Variants in PPP1R12B observed in about 807,000 individuals in gnomAD.
PPP1R12B encodes protein phosphatase 1 regulatory subunit 12B.
Under a neutral mutation model 126.1 loss-of-function variants are expected in PPP1R12B, and 76 were observed. That is an observed-to-expected ratio of 0.60 (90% CI 0.50 to 0.73). The LOEUF is 0.73. Ranked by LOEUF, PPP1R12B falls within the 30% of genes least tolerant of loss-of-function variation. The pLI is 0.00. For missense variants in PPP1R12B, 1,052 were observed against 1,205.1 expected (o/e 0.87, Z 1.88); for synonymous variants, 356 against 434.7 (o/e 0.82, Z 2.25).
Position 202,568,071 on chromosome 1 carries a change from AG to A in PPP1R12B, c.2811+243del, listed in dbSNP as rs1478142593. Among the ~76,000 whole-genome samples the A allele has an allele frequency of 1.1e-4, 16 of 152,202 alleles. No individual in the cohort carries two copies. The East Asian group carries it at 3.1e-3, about 29-fold the overall frequency. On this transcript the variant is annotated intron_variant, in intron 22 of 23. Coordinates refer to ENST00000608999, the MANE Select transcript of PPP1R12B (RefSeq NM_002481.4). ...CCACATATTTAGTCTTAGGGTGGGA[AG>A]GGTCCTTGGAAGGTCATCTCGTACA...
At chr1:202,404,964 A>G (rs1029300265) in intron 1 of PPP1R12B, among the ~76,000 whole-genome samples, 3 of 152,206 alleles carry the variant, frequency 2.0e-5, no homozygotes, top group African/African-American at 7.2e-5. Flanking sequence ...TAAATGATAA[A>G]GTCTTAATCA....
At chr1:202,448,935 G>C in intron 12 of PPP1R12B, 54 bp from the exon 13 acceptor site, 2 of 1,556,622 alleles carry the variant, frequency 1.3e-6, no homozygotes, top group Non-Finnish European at 1.8e-6. Context: ...CCAGTGCTTT[G>C]TTGTATAGCA....
At chr1:202,364,868 G>A (rs1057405795) in intron 1 of PPP1R12B, among the ~76,000 whole-genome samples, 15 of 152,052 alleles carry the variant, frequency 9.9e-5, no homozygotes, top group South Asian at 2.1e-4. Flanking sequence ...GAGCCACGGC[G>A]CCCGGCCTCA....
At chr1:202,367,589 C>G (rs1303166978) in intron 1 of PPP1R12B, among the ~76,000 whole-genome samples, 1 of 152,154 alleles carries the variant, frequency 6.6e-6, no homozygotes, top group East Asian at 1.9e-4. Context: ...TCTGTTTTTC[C>G]TTCTGCCTGG....
In PPP1R12B at chr1:202,493,259, T is replaced by G. The variant is rs1233010221; in HGVS notation, c.2087T>G (p.Val696Gly). Residue 696 changes from valine to glycine, a missense_variant, in exon 15 of 24, where the codon GTT (valine) becomes GGT (glycine). Physicochemically the swap from Val to Gly is moderately radical, Grantham distance 109. Transcript: ENST00000608999. ...GSPEKHEPSA[V>G]PATEAGEGQQ... is the part of the protein sequence containing the mutation. ...CCTGAGAAGCATGAGCCCTCAGCAG[T>G]TCCAGCAACAGAAGCTGGGGAGGGC... The G allele has an allele frequency of 6.2e-7, 1 of 1,612,910 alleles. No individual in the cohort carries two copies. The highest frequency in any genetic ancestry group is 1.7e-5 in the Admixed American group (1 of 60,010).
Position 202,416,910 on chromosome 1 carries a change from A to G in PPP1R12B, c.415A>G (p.Ile139Val), listed in dbSNP as rs775974505. ...HAAASCGYLN[I>V]AEYFINHGAS... is the part of the protein sequence containing the mutation. ...AGCAGCTTCCTGTGGCTATCTCAAC[A>G]TAGCAGAGTGAGTGAGTCTCTGTGT... Residue 139 changes from isoleucine (I) to valine (V), a missense_variant, in exon 2 of 24, where the codon ATA (isoleucine) becomes GTA (valine). Transcript: ENST00000608999. The G allele has an allele frequency of 1.2e-6, 2 of 1,613,664 alleles. No homozygotes were observed. Among genetic ancestry groups the G allele is most frequent in the Middle Eastern group, 1.6e-4 (1 of 6,082 alleles).
chr1:202,485,718 C>G (rs1239734986), intron 13 of PPP1R12B, among the ~76,000 whole-genome samples: 1 of 152,126 alleles, frequency 6.6e-6, no homozygotes, highest in African/African-American at 2.4e-5. Flanking sequence ...TTTTGCTGTT[C>G]CCCTAGTGCT....
chr1:202,458,839 A>G (rs984722654), intron 13 of PPP1R12B, among the ~76,000 whole-genome samples: 27 of 152,238 alleles, frequency 1.8e-4, no homozygotes, highest in African/African-American at 5.8e-4. Context: ...CTGTGTTCAC[A>G]GGTCCAATTT....
intron 13 of PPP1R12B, among the ~76,000 whole-genome samples, chr1:202,480,274 A>C (rs7543751): frequency 0.032 from 4,849 of 152,294 alleles, 265 homozygotes; most frequent in African/African-American, 0.11. Flanking sequence ...CCAGCTAAAG[A>C]AATGATTAGT....
intron 8 of PPP1R12B, among the ~76,000 whole-genome samples, chr1:202,433,034 T>C (rs1045337430): frequency 5.3e-5 from 8 of 152,234 alleles, no homozygotes; most frequent in Non-Finnish European, 8.8e-5. Context: ...ATCAGTTCTA[T>C]AGAGAAGAAA....
At chr1:202,378,954 T>C (rs901571704) in intron 1 of PPP1R12B, among the ~76,000 whole-genome samples, 3 of 152,156 alleles carry the variant, frequency 2.0e-5, no homozygotes, top group African/African-American at 4.8e-5. Context: ...TGCCCACTCT[T>C]TGCCCAGATT....
chr1:202,567,516 T>C, intron 21 of PPP1R12B: 1 of 467,958 alleles, frequency 2.1e-6, no homozygotes, highest in African/African-American at 1.9e-5. Flanking sequence ...AGATTGTGTG[T>C]TGTAAGTAAT....
intron 18 of PPP1R12B, among the ~76,000 whole-genome samples, chr1:202,513,587 C>T (rs1400646134): frequency 1.3e-5 from 2 of 152,132 alleles, no homozygotes; most frequent in Non-Finnish European, 2.9e-5. Flanking sequence ...TATCAGCTTG[C>T]TGATAATAGT....
intron 1 of PPP1R12B, among the ~76,000 whole-genome samples, chr1:202,384,111 T>C (rs1446697215): frequency 6.6e-6 from 1 of 152,222 alleles, no homozygotes; most frequent in Non-Finnish European, 1.5e-5. Context: ...GATTGTAAAA[T>C]GGTACAACCA....
chr1:202,436,495 C>T (rs1216599394), intron 9 of PPP1R12B, among the ~76,000 whole-genome samples: 1 of 151,996 alleles, frequency 6.6e-6, no homozygotes, highest in African/African-American at 2.4e-5. Flanking sequence ...TATTTATTTT[C>T]GCTGTATCAG....
At chr1:202,354,228 G>A (rs183437084) in intron 1 of PPP1R12B, among the ~76,000 whole-genome samples, 14 of 152,176 alleles carry the variant, frequency 9.2e-5, no homozygotes, top group Non-Finnish European at 1.8e-4. Flanking sequence ...GATGTAGAAC[G>A]TTACCCTCAA....
chr1:202,433,748 A>G (rs534529534), intron 8 of PPP1R12B, among the ~76,000 whole-genome samples: 96 of 152,274 alleles, frequency 6.3e-4, no homozygotes, highest in African/African-American at 2.1e-3. Context: ...AGGTTTTTCT[A>G]ATATAGGAAG....
At chr1:202,496,392 C>G (rs559038274) in intron 17 of PPP1R12B, among the ~76,000 whole-genome samples, 29 of 152,194 alleles carry the variant, frequency 1.9e-4, no homozygotes, top group Non-Finnish European at 3.5e-4. Context: ...AAATTGGACA[C>G]ACTTTATTCA....
At chr1:202,378,578 C>A (rs929147268) in intron 1 of PPP1R12B, among the ~76,000 whole-genome samples, 2 of 152,098 alleles carry the variant, frequency 1.3e-5, no homozygotes, top group African/African-American at 4.8e-5. Flanking sequence ...CTCTCAAGTT[C>A]AAGCGATTCT....
Sources: gnomAD v4.1 joint callset for allele counts (sites outside exome capture counted in the v4.1 genomes callset) on GRCh38, gnomAD v4.1.1 for gene constraint, MANE v1.5 for transcripts, NCBI Gene and HGNC (gene_info 2026-07-23, HGNC 2026-07-21) for gene names.